ANKRD30B: variants seen among roughly 807,000 people sequenced by gnomAD.
ANKRD30B encodes ankyrin repeat domain 30B, also known as ankyrin repeat domain-containing protein 30B.
In ANKRD30B, 144 loss-of-function variants were observed where a neutral mutation model predicts 202.2. The observed-to-expected ratio is 0.71, with a 90% CI of 0.62 to 0.82. ANKRD30B has a LOEUF of 0.82. Ranked by LOEUF, ANKRD30B falls within the 40% of genes least tolerant of loss-of-function variation. The pLI, the probability that ANKRD30B is intolerant of heterozygous loss-of-function variation, is 0.00. For missense variants in ANKRD30B, 1,487 were observed against 1,669.1 expected, an observed-to-expected ratio of 0.89 and a Z score of 1.90; for synonymous variants, 508 against 561.3, an observed-to-expected ratio of 0.91 and a Z score of 1.34.
At chr18:14,818,253 G>A (rs1970219187) in intron 30 of ANKRD30B, among the ~76,000 whole-genome samples, 1 of 151,994 alleles carries the variant, frequency 6.6e-6, no homozygotes, top group Non-Finnish European at 1.5e-5. Flanking sequence ...TAATAAAACT[G>A]TTATTTTCAG....
chr18:14,867,848 G>A, the ANKRD30B span, among the ~76,000 whole-genome samples: 3 of 152,228 alleles, frequency 2.0e-5, no homozygotes, highest in Non-Finnish European at 2.9e-5. Context: ...GCCACCCAGT[G>A]GCCAGCATGA....
intron 39 of ANKRD30B, 117 bp from the exon 40 acceptor site, chr18:14,848,599 A>G: frequency 1.3e-6 from 1 of 761,664 alleles, no homozygotes; most frequent in Non-Finnish European, 1.9e-6. Context: ...TGCCTTCCAC[A>G]TGGTAGGCAA....
downstream of ANKRD30B, among the ~76,000 whole-genome samples, chr18:14,855,267 T>G (rs932408492): frequency 2.8e-4 from 43 of 152,230 alleles, no homozygotes; most frequent in Admixed American, 7.2e-4. Context: ...AGAATTTCTC[T>G]TAGTACAGAA....
At chr18:14,924,053 C>T in the ANKRD30B span, among the ~76,000 whole-genome samples, 1 of 152,214 alleles carries the variant, frequency 6.6e-6, no homozygotes, top group Non-Finnish European at 1.5e-5. Context: ...AGCATCACAA[C>T]GTAGTGCATG....
intron 30 of ANKRD30B, among the ~76,000 whole-genome samples, chr18:14,821,024 A>G (rs1233642054): frequency 6.6e-6 from 1 of 152,208 alleles, no homozygotes; most frequent in Non-Finnish European, 1.5e-5. Flanking sequence ...ACTATTGATT[A>G]TTGCCACAAT....
chr18:14,799,798 C>T (rs769819316), intron 22 of ANKRD30B, among the ~76,000 whole-genome samples: 1 of 151,920 alleles, frequency 6.6e-6, no homozygotes, highest in Non-Finnish European at 1.5e-5. Flanking sequence ...CTTGATGATT[C>T]TTTGCTAGAT....
chr18:14,756,380 T>C (rs1914365863), intron 4 of ANKRD30B, among the ~76,000 whole-genome samples: 1 of 152,310 alleles, frequency 6.6e-6, no homozygotes, highest in African/African-American at 2.4e-5. Flanking sequence ...TGGTAGTTTC[T>C]TTTGCTGTGC....
chr18:14,788,872 T>C (rs1388899403), intron 15 of ANKRD30B, among the ~76,000 whole-genome samples: 1 of 152,210 alleles, frequency 6.6e-6, no homozygotes, highest in Non-Finnish European at 1.5e-5. Flanking sequence ...CATGTGTCTT[T>C]ATAGCAGCAT....
the ANKRD30B span, among the ~76,000 whole-genome samples, chr18:14,866,747 G>A: frequency 5.3e-5 from 8 of 152,114 alleles, no homozygotes; most frequent in South Asian, 2.1e-4. Flanking sequence ...AGTGGGTGGC[G>A]CTATCGGGCG....
chr18:14,880,256 C>A, the ANKRD30B span, among the ~76,000 whole-genome samples: 1 of 152,242 alleles, frequency 6.6e-6, no homozygotes, highest in East Asian at 1.9e-4. Flanking sequence ...ATTTTTAAAC[C>A]AGTACCATGC....
chr18:14,856,207 G>C (rs1972103705), downstream of ANKRD30B, among the ~76,000 whole-genome samples: 1 of 143,062 alleles, frequency 7.0e-6, no homozygotes, highest in South Asian at 2.3e-4. Flanking sequence ...CATCCGTGAA[G>C]AGGCGCTTCT....
intron 20 of ANKRD30B, among the ~76,000 whole-genome samples, chr18:14,798,763 A>G (rs1434246074): frequency 2.0e-5 from 3 of 152,140 alleles, no homozygotes; most frequent in African/African-American, 4.8e-5. Flanking sequence ...CTGACGGCAC[A>G]TCCATTCACA....
At chr18:14,822,050 C>T (rs564137003) in intron 30 of ANKRD30B, among the ~76,000 whole-genome samples, 24 of 152,034 alleles carry the variant, frequency 1.6e-4, no homozygotes, top group Admixed American at 1.6e-3. Context: ...AGTATATTGA[C>T]ATAAGTGATT....
At chr18:14,794,722 ATATT>A (rs1260765811) in intron 16 of ANKRD30B, among the ~76,000 whole-genome samples, 1 of 152,222 alleles carries the variant, frequency 6.6e-6, no homozygotes, top group Non-Finnish European at 1.5e-5. Flanking sequence ...ACGGTCATGC[ATATT>A]TAGCCTTAAA....
intron 24 of ANKRD30B, among the ~76,000 whole-genome samples, chr18:14,805,974 A>T (rs1047061022): frequency 2.7e-5 from 4 of 150,510 alleles, no homozygotes; most frequent in African/African-American, 9.9e-5. Flanking sequence ...TAATCCCAGC[A>T]CTTTGGGAGG....
rs370031076 is a variant in ANKRD30B, at chr18:14,753,936, GTAGCAATTACAA to G, written c.510+931_510+942del. 3.0e-3 allele frequency among the ~76,000 whole-genome samples: 453 copies of G among 152,124 alleles called. 4 individuals are homozygous for G. Among genetic ancestry groups the G allele is most frequent in the African/African-American group, 9.8e-3 (406 of 41,524 alleles). ...TTTTTGATATTTTTCCAAAAATTAA[GTAGCAATTACAA>G]TAGCAACCAGAATAAAAATGGATTA... On this transcript the variant is annotated intron_variant, in intron 3 of 43. Coordinates refer to ENST00000690538, the MANE Select transcript of ANKRD30B (RefSeq NM_001367607.2).
chr18:14,912,257 T>C, the ANKRD30B span, among the ~76,000 whole-genome samples: 1,847 of 152,358 alleles, frequency 0.012, 41 homozygotes, highest in African/African-American at 0.042. Context: ...TGTGGGTTTG[T>C]TGTATATGAC....
the ANKRD30B span, among the ~76,000 whole-genome samples, chr18:14,897,331 C>T: frequency 1.3e-5 from 2 of 152,106 alleles, no homozygotes; most frequent in African/African-American, 2.4e-5. Context: ...CAGGCATGCA[C>T]CACCACGCGC....
chr18:14,786,645 T>A (rs943710078), intron 14 of ANKRD30B, among the ~76,000 whole-genome samples: 1 of 152,172 alleles, frequency 6.6e-6, no homozygotes, highest in Non-Finnish European at 1.5e-5. Flanking sequence ...TAGAGATTGC[T>A]GAGTCAATCA....
Sources: allele counts gnomAD v4.1 joint callset (sites outside exome capture counted in the v4.1 genomes callset), GRCh38; gene constraint gnomAD v4.1.1; transcripts MANE v1.5; gene names NCBI Gene and HGNC (gene_info 2026-07-23, HGNC 2026-07-21).